Variants in GRID2 observed in about 807,000 individuals in gnomAD.
GRID2 encodes the protein glutamate ionotropic receptor delta type subunit 2.
In GRID2, 33 loss-of-function variants were observed where a neutral mutation model predicts 114.8. The ratio of observed to expected loss-of-function variants is 0.29; its 90% CI spans 0.22 to 0.38. The LOEUF (loss-of-function observed/expected upper bound fraction) is 0.38, where lower values mean the gene tolerates loss of function less well. GRID2 is among the 10% of genes least tolerant of loss of function. GRID2 has a pLI of 1.00. For missense variants in GRID2, 1,184 were observed against 1,257.7 expected (o/e 0.94, Z 0.89); for synonymous variants, 505 against 449.9 (o/e 1.12, Z -1.55).
intron 1 of GRID2, among the ~76,000 whole-genome samples, chr4:92,394,598 A>T (rs944807852): frequency 2.0e-5 from 3 of 152,124 alleles, no homozygotes; most frequent in African/African-American, 7.2e-5. Flanking sequence ...CTTAAAAATT[A>T]AAATAATTAT....
At chr4:93,422,578 A>T (rs575494613) in intron 9 of GRID2, among the ~76,000 whole-genome samples, 193 bp from the exon 10 acceptor site, 36 of 152,164 alleles carry the variant, frequency 2.4e-4, no homozygotes, top group Admixed American at 5.9e-4. Flanking sequence ...TAAAAGGGAG[A>T]TGATAAGAAA....
chr4:92,394,918 C>G (rs1730421105), intron 1 of GRID2, among the ~76,000 whole-genome samples: 1 of 151,284 alleles, frequency 6.6e-6, no homozygotes, highest in Non-Finnish European at 1.5e-5. Flanking sequence ...TATTTTTAGT[C>G]TTCCTACCAA....
Position 92,318,292 on chromosome 4 carries a change from A to G in GRID2, c.88+13548A>G, listed in dbSNP as rs113642760. On this transcript the variant is annotated intron_variant, in intron 1 of 15. Transcript: ENST00000282020. The stretch of plus-strand genomic sequence containing the variant: ...ACAAGTGTTGGATATATATGTGTGT[A>G]TATATATATATATATATTTTTTTTT... Among the ~76,000 whole-genome samples the G allele has an allele frequency of 1.8e-3, 226 of 125,264 alleles. 1 individual carries two copies. Among genetic ancestry groups the G allele is most frequent in the South Asian group, 9.6e-3 (36 of 3,766 alleles). 82.2% of individuals were successfully genotyped at this position (125,264 alleles called of 152,430 possible). A position where few individuals can be genotyped will look rare whatever the true frequency, so the allele number is the denominator to read the frequency against.
Position 92,435,171 on chromosome 4 carries a change from C to A in GRID2, c.88+130427C>A, listed in dbSNP as rs932339139. On this transcript the variant is annotated intron_variant, in intron 1 of 15. Coordinates refer to ENST00000282020, the MANE Select transcript of GRID2 (RefSeq NM_001510.4). ...GTTTTCCTAGAGGTTTCTTTCTGTT[C>A]CTGGGCCACCAAACCGGATTTGTGT... Among the ~76,000 whole-genome samples, 4 of 152,098 alleles carry A rather than the reference C, an allele frequency of 2.6e-5. No individual in the cohort carries two copies. In the South Asian group the frequency reaches 6.2e-4, roughly 24 times the overall value.
chr4:92,560,133 T>C (rs1207668009), intron 1 of GRID2, among the ~76,000 whole-genome samples: 1 of 152,146 alleles, frequency 6.6e-6, no homozygotes, highest in African/African-American at 2.4e-5. Context: ...TAATCCAAAA[T>C]GGTGCCTTCT....
At chr4:92,787,689 C>T (rs1739383359) in intron 2 of GRID2, among the ~76,000 whole-genome samples, 1 of 151,840 alleles carries the variant, frequency 6.6e-6, no homozygotes, top group African/African-American at 2.4e-5. Flanking sequence ...CAGAGAGGTA[C>T]ATAATTATTA....
At chr4:92,824,272 C>T (rs1296877665) in intron 2 of GRID2, among the ~76,000 whole-genome samples, 1 of 152,042 alleles carries the variant, frequency 6.6e-6, no homozygotes, top group African/African-American at 2.4e-5. Flanking sequence ...TAAAATTTAT[C>T]ATTACTTGTG....
chr4:92,959,299 A>T (rs1752634349), intron 2 of GRID2, among the ~76,000 whole-genome samples: 1 of 151,706 alleles, frequency 6.6e-6, no homozygotes, highest in East Asian at 1.9e-4. Flanking sequence ...TTAATGTTAG[A>T]TCTTTCTTCG....
chr4:92,660,030 AATT>A (rs1732445757), intron 2 of GRID2, among the ~76,000 whole-genome samples: 1 of 151,442 alleles, frequency 6.6e-6, no homozygotes, highest in Non-Finnish European at 1.5e-5. Context: ...TTTTCATGAA[AATT>A]ATTTTGTTAT....
intron 13 of GRID2, among the ~76,000 whole-genome samples, chr4:93,586,651 AT>A (rs1204533404): frequency 6.6e-6 from 1 of 152,120 alleles, no homozygotes; most frequent in Non-Finnish European, 1.5e-5. Context: ...AGCTTAGATG[AT>A]TTACTCAAGA....
chr4:92,970,824 G>C (rs771271914), intron 2 of GRID2, among the ~76,000 whole-genome samples: 2 of 151,864 alleles, frequency 1.3e-5, no homozygotes, highest in Non-Finnish European at 2.9e-5. Context: ...TTATCAGTGT[G>C]TATTTCATAA....
chr4:93,474,248 T>A (rs1725106430), intron 11 of GRID2, among the ~76,000 whole-genome samples: 1 of 152,154 alleles, frequency 6.6e-6, no homozygotes, highest in African/African-American at 2.4e-5. Flanking sequence ...AATCACAGCC[T>A]GCCTCCTAGA....
chr4:92,809,662 T>G (rs1740575141), intron 2 of GRID2, among the ~76,000 whole-genome samples: 1 of 151,992 alleles, frequency 6.6e-6, no homozygotes, highest in South Asian at 2.1e-4. Context: ...CTTCTTGATC[T>G]GACATTGGCA....
At chr4:93,063,485 A>T (rs1428174980) in intron 2 of GRID2, among the ~76,000 whole-genome samples, 2 of 151,834 alleles carry the variant, frequency 1.3e-5, no homozygotes, top group Admixed American at 6.6e-5. Flanking sequence ...TTTTCCTCCC[A>T]CTTACACAGC....
rs779881068 is a variant in GRID2, at chr4:93,395,677, G to T, written c.1316G>T (p.Arg439Leu). The T allele has an allele frequency of 2.5e-6, 4 of 1,569,586 alleles. No homozygotes were observed. The highest frequency in any genetic ancestry group is 3.5e-6 in the Non-Finnish European group (4 of 1,139,990). The change falls in exon 9 of 16, where the codon CGT (arginine) becomes CTT (leucine). Residue 439 changes from arginine (R) to leucine (L), a missense_variant. Around this residue, in one of 3 missense-constraint regions of GRID2, gnomAD observed 717 missense variants for 796.9 expected, o/e 0.90. Transcript: ENST00000282020. ...LTDKKLENNMRGVVLRVVTVL... is the reference protein window; with the variant it reads ...LTDKKLENNMLGVVLRVVTVL... ...GACAAGAAATTGGAGAATAACATGCGTGGAGTGGTTCTACGTGTAGTAACT... is the reference window on the plus strand; with the variant it reads ...GACAAGAAATTGGAGAATAACATGCTTGGAGTGGTTCTACGTGTAGTAACT...
intron 2 of GRID2, among the ~76,000 whole-genome samples, chr4:93,039,878 T>G (rs1468120865): frequency 6.6e-6 from 1 of 152,146 alleles, no homozygotes; most frequent in Non-Finnish European, 1.5e-5. Context: ...TTAACGTCCA[T>G]TTCTACTTTC....
At chr4:92,536,105 G>A (rs1057258032) in intron 1 of GRID2, among the ~76,000 whole-genome samples, 2 of 152,222 alleles carry the variant, frequency 1.3e-5, no homozygotes, top group Non-Finnish European at 2.9e-5. Flanking sequence ...AACGTGAGCA[G>A]GCTGCCACTG....
At chr4:92,495,698 T>C (rs1723354545) in intron 1 of GRID2, among the ~76,000 whole-genome samples, 1 of 151,526 alleles carries the variant, frequency 6.6e-6, no homozygotes, top group African/African-American at 2.4e-5. Flanking sequence ...AAAAATATAA[T>C]GTAATATAAA....
At chr4:93,480,396 G>A (rs1725735516) in intron 11 of GRID2, among the ~76,000 whole-genome samples, 1 of 152,004 alleles carries the variant, frequency 6.6e-6, no homozygotes, top group African/African-American at 2.4e-5. Flanking sequence ...CTCAGCAATT[G>A]AGGCTAGATT....
Sources: allele counts gnomAD v4.1 joint callset (sites outside exome capture counted in the v4.1 genomes callset), GRCh38; gene constraint gnomAD v4.1.1; regional missense constraint gnomAD v4.1.1; transcripts MANE v1.5; gene names NCBI Gene and HGNC (gene_info 2026-07-23, HGNC 2026-07-21).